The following LRP1B variants were observed in gnomAD, a reference collection of about 807,000 sequenced individuals.
The protein encoded by LRP1B is LDL receptor related protein 1B.
In LRP1B, 217 loss-of-function variants were observed where a neutral mutation model predicts 556.6. That is an observed-to-expected ratio of 0.39 (90% CI 0.35 to 0.44). The LOEUF (loss-of-function observed/expected upper bound fraction) is 0.44. LRP1B is among the 20% of genes least tolerant of loss of function. LRP1B has a pLI of 1.00. For synonymous variants in LRP1B, 2,047 were observed against 1,865.8 expected, an observed-to-expected ratio of 1.10 and a Z score of -2.50; for missense variants, 5,053 against 5,620.8, an observed-to-expected ratio of 0.90 and a Z score of 3.23.
intron 2 of LRP1B, among the ~76,000 whole-genome samples, chr2:141,760,053 A>G (rs576363116): frequency 1.8e-4 from 28 of 152,216 alleles, no homozygotes; most frequent in African/African-American, 6.7e-4. Context: ...CACTGCCTCA[A>G]TGTCAAGTTG....
intron 3 of LRP1B, among the ~76,000 whole-genome samples, chr2:141,454,467 G>A (rs896882310): frequency 1.3e-5 from 2 of 152,126 alleles, no homozygotes; most frequent in South Asian, 4.2e-4. Flanking sequence ...GCTACTATGG[G>A]CCCACTTACA....
chr2:141,848,070 G>C (rs1034899596), intron 1 of LRP1B, among the ~76,000 whole-genome samples: 6 of 151,476 alleles, frequency 4.0e-5, no homozygotes, highest in Non-Finnish European at 7.4e-5. Context: ...AATATAGAGA[G>C]ATGATCTACT....
At chr2:141,093,963 C>T (rs968693293) in intron 7 of LRP1B, among the ~76,000 whole-genome samples, 3 of 152,056 alleles carry the variant, frequency 2.0e-5, no homozygotes, top group South Asian at 2.1e-4. Flanking sequence ...GTGATCCGCC[C>T]GCCTTAGCCT....
At chr2:140,912,974 T>C (rs1474821063) in intron 21 of LRP1B, among the ~76,000 whole-genome samples, 2 of 151,776 alleles carry the variant, frequency 1.3e-5, no homozygotes, top group Non-Finnish European at 3.0e-5. Flanking sequence ...TAACAAATGT[T>C]GTAATGGGAT....
intron 11 of LRP1B, among the ~76,000 whole-genome samples, chr2:141,026,020 T>A (rs962067182): frequency 1.3e-5 from 2 of 152,078 alleles, no homozygotes; most frequent in African/African-American, 2.4e-5. Context: ...TCATTGTGAA[T>A]GGGGAGAAAG....
intron 2 of LRP1B, among the ~76,000 whole-genome samples, chr2:141,660,430 C>A (rs888203801): frequency 6.6e-6 from 1 of 152,080 alleles, no homozygotes; most frequent in African/African-American, 2.4e-5. Flanking sequence ...CTACTGAGTT[C>A]TCAGGGAGTG....
At chr2:142,095,336 C>T (rs13408764) in intron 1 of LRP1B, among the ~76,000 whole-genome samples, 26,786 of 151,492 alleles carry the variant, frequency 0.18, 2,586 homozygotes, top group African/African-American at 0.24. Flanking sequence ...TATGCTATTA[C>T]TGTAAGTAAA....
At chr2:140,447,011 T>C (rs1421774505) in intron 63 of LRP1B, among the ~76,000 whole-genome samples, 1 of 152,074 alleles carries the variant, frequency 6.6e-6, no homozygotes. Context: ...AGGACTTGAA[T>C]AGGCATTTCT....
intron 7 of LRP1B, among the ~76,000 whole-genome samples, chr2:141,163,170 C>A: frequency 6.6e-6 from 1 of 152,082 alleles, no homozygotes; most frequent in East Asian, 1.9e-4. Context: ...GGTATTACCA[C>A]ACAAATAGAC....
Position 140,912,544 on chromosome 2 carries a change from CT to C in LRP1B, c.3320-4468del, listed in dbSNP as rs1381157918. On this transcript the variant is annotated intron_variant, in intron 21 of 90. Transcript: ENST00000389484. ...GTAAATCATTTTGTGTTTACTAATTCTTTTTTAGAAGATGCCGAAAACCATA... is the reference window on the plus strand; with the variant it reads ...GTAAATCATTTTGTGTTTACTAATTCTTTTTAGAAGATGCCGAAAACCATA... Among the ~76,000 whole-genome samples the C allele has an allele frequency of 2.6e-5, 4 of 151,378 alleles. No individual in the cohort carries two copies. In the East Asian group the frequency reaches 5.8e-4, roughly 22 times the overall value.
At chr2:140,987,761 C>A (rs1696968462) in intron 17 of LRP1B, among the ~76,000 whole-genome samples, 1 of 152,010 alleles carries the variant, frequency 6.6e-6, no homozygotes, top group Non-Finnish European at 1.5e-5. Context: ...TAAGTGGGCA[C>A]ATCACTTGCA....
Position 141,933,513 on chromosome 2 carries a change from T to A in LRP1B, c.83-123112A>T, listed in dbSNP as rs981095054. On this transcript the variant is annotated intron_variant, in intron 1 of 90. Coordinates refer to ENST00000389484, the MANE Select transcript of LRP1B (RefSeq NM_018557.3). ...TGAGGAAACCACTTGACTCTCCCCA[T>A]GTCATGACAACACCAAAGAGCTACA... Among the ~76,000 whole-genome samples, 3 of 152,114 alleles carry A rather than the reference T, an allele frequency of 2.0e-5. No individual in the cohort carries two copies. The South Asian group carries it at 6.2e-4, about 32-fold the overall frequency.
At chr2:140,792,177 A>G (rs1189920713) in intron 32 of LRP1B, among the ~76,000 whole-genome samples, 1 of 152,140 alleles carries the variant, frequency 6.6e-6, no homozygotes, top group Non-Finnish European at 1.5e-5. Flanking sequence ...ATGGTATTTA[A>G]GCCACAAGTC....
intron 86 of LRP1B, among the ~76,000 whole-genome samples, chr2:140,261,968 A>G (rs556884296): frequency 1.3e-5 from 2 of 152,040 alleles, no homozygotes; most frequent in African/African-American, 4.8e-5. Flanking sequence ...TTATGAGAGG[A>G]AATACTTTAT....
At chr2:140,821,965 C>G (rs1691344143) in intron 31 of LRP1B, among the ~76,000 whole-genome samples, 1 of 151,302 alleles carries the variant, frequency 6.6e-6, no homozygotes, top group African/African-American at 2.4e-5. Flanking sequence ...TGCCACTGCA[C>G]TCCAGCCTGG....
In LRP1B at chr2:141,750,161, C is replaced by G. The variant is rs373478920; in HGVS notation, c.205+60118G>C. Among the ~76,000 whole-genome samples the G allele has an allele frequency of 2.0e-5, 3 of 152,034 alleles. No homozygotes were observed. The East Asian group carries it at 5.8e-4, about 29-fold the overall frequency. On this transcript the variant is annotated intron_variant, in intron 2 of 90. Transcript: ENST00000389484. The stretch of plus-strand genomic sequence containing the variant: ...TAGTGTTAATTACCAATTTCCAGAG[C>G]GAAGCACCATCTCCTTTCATGGAAT...
At chr2:141,391,985 G>A (rs1690065086) in intron 3 of LRP1B, among the ~76,000 whole-genome samples, 1 of 152,104 alleles carries the variant, frequency 6.6e-6, no homozygotes, top group African/African-American at 2.4e-5. Flanking sequence ...CAGGTAAGAT[G>A]CATGTATATC....
intron 35 of LRP1B, among the ~76,000 whole-genome samples, chr2:140,746,045 G>T (rs1039710959): frequency 6.9e-6 from 1 of 145,530 alleles, no homozygotes; most frequent in Admixed American, 6.9e-5. Flanking sequence ...AATGAGGAAT[G>T]AGGATGAGGC....
At chr2:141,918,520 T>C (rs1700098426) in intron 1 of LRP1B, among the ~76,000 whole-genome samples, 1 of 152,026 alleles carries the variant, frequency 6.6e-6, no homozygotes, top group South Asian at 2.1e-4. Context: ...CTTCAAATGT[T>C]TGGGAGCTGC....
Sources: allele counts gnomAD v4.1 joint callset (sites outside exome capture counted in the v4.1 genomes callset), GRCh38; gene constraint gnomAD v4.1.1; transcripts MANE v1.5; gene names NCBI Gene and HGNC (gene_info 2026-07-23, HGNC 2026-07-21).